DMXL1: variants seen among roughly 807,000 people sequenced by gnomAD.
DMXL1 encodes the protein dmX-like protein 1.
DMXL1 carries 99 observed loss-of-function variants against 319.2 expected under a neutral mutation model. That is an observed-to-expected ratio of 0.31 (90% CI 0.26 to 0.37). The LOEUF (loss-of-function observed/expected upper bound fraction) is 0.37. Ranked by LOEUF, DMXL1 falls within the 10% of genes least tolerant of loss-of-function variation. The pLI is 1.00. For synonymous variants in DMXL1, 1,385 were observed against 1,235.2 expected (o/e 1.12, Z -2.54); for missense variants, 3,745 against 3,595.6 (o/e 1.04, Z -1.06).
intron 6 of DMXL1, among the ~76,000 whole-genome samples, chr5:119,115,653 C>T (rs1760678801): frequency 6.6e-6 from 1 of 152,028 alleles, no homozygotes; most frequent in Non-Finnish European, 1.5e-5. Flanking sequence ...TCCTTTATTT[C>T]CCAAATTATG....
intron 25 of DMXL1, 146 bp from the exon 26 acceptor site, chr5:119,175,115 G>T: frequency 5.7e-6 from 3 of 526,688 alleles, no homozygotes; most frequent in Non-Finnish European, 6.7e-6. Flanking sequence ...AAAAATGAGT[G>T]TTGTAGAAAA....
intron 1 of DMXL1, among the ~76,000 whole-genome samples, chr5:119,084,370 T>G (rs1752871723): frequency 6.6e-6 from 1 of 152,172 alleles, no homozygotes; most frequent in Non-Finnish European, 1.5e-5. Context: ...TTCACCTGCC[T>G]CAGCCTCCCA....
At chr5:119,127,702 G>C (rs564475580) in intron 9 of DMXL1, 72 of 205,182 alleles carry the variant, frequency 3.5e-4, no homozygotes, top group Non-Finnish European at 5.5e-4. Context: ...GCCTCCCAGA[G>C]TGCTGGGATT....
chr5:119,249,006 GT>G lies in DMXL1; in HGVS notation c.*1790del, dbSNP rs886495846. On this transcript the variant is annotated 3_prime_UTR_variant, in exon 44 of 44. Coordinates refer to ENST00000539542, the MANE Select transcript of DMXL1 (RefSeq NM_001290321.3). ...TATTATGCTTATTAGAACAAAAGGT[GT>G]TTAAGGATGAACTAAATATTTTAAT... 5 of 152,466 alleles carry G rather than the reference GT, an allele frequency of 3.3e-5. No individual in the cohort carries two copies. The highest frequency in any genetic ancestry group is 1.2e-4 in the African/African-American group (5 of 41,412). 9.4% of individuals were successfully genotyped at this position (152,466 alleles called of 1,614,324 possible). A position where few individuals can be genotyped will look rare whatever the true frequency, so the allele number is the denominator to read the frequency against.
intron 19 of DMXL1, among the ~76,000 whole-genome samples, chr5:119,161,076 T>G (rs1772163251): frequency 6.6e-6 from 1 of 152,206 alleles, no homozygotes; most frequent in Non-Finnish European, 1.5e-5. Flanking sequence ...GTCTGCTCAT[T>G]TGAGCAAGCT....
chr5:119,182,737 G>T (rs1322949319), intron 28 of DMXL1, among the ~76,000 whole-genome samples: 2 of 151,864 alleles, frequency 1.3e-5, no homozygotes, highest in Non-Finnish European at 2.9e-5. Flanking sequence ...TTTTTTTGGT[G>T]AATTCCACAT....
At position 119,101,924 on chromosome 5, in the gene DMXL1, CT is replaced by C; in HGVS notation, c.214-6del. On this transcript the variant is annotated splice_polypyrimidine_tract_variant and intron_variant, in intron 2 of 43. Coordinates refer to ENST00000539542, the MANE Select transcript of DMXL1 (RefSeq NM_001290321.3). ...CATATCCCTAATAAATTCTTTTTTT[CT>C]TTTTAAAAGATTGCAGCGTCTTATG... The C allele has an allele frequency of 6.4e-7, 1 of 1,569,180 alleles. No individual in the cohort carries two copies. The highest frequency in any genetic ancestry group is 8.7e-7 in the Non-Finnish European group (1 of 1,155,198).
Position 119,074,174 on chromosome 5 carries a change from C to G in DMXL1, c.87+2518C>G, listed in dbSNP as rs551997032. On this transcript the variant is annotated intron_variant, in intron 1 of 43. Coordinates refer to ENST00000539542, the MANE Select transcript of DMXL1 (RefSeq NM_001290321.3). ...CCTCAGGTGATCCACCAGTCTTGGC[C>G]TCCCAAAGTGCTGGGATTACAGGCG... Among the ~76,000 whole-genome samples the G allele has an allele frequency of 3.2e-4, 48 of 152,362 alleles. 1 individual carries two copies. Among genetic ancestry groups the G allele is most frequent in the African/African-American group, 1.1e-3 (44 of 41,586 alleles).
At chr5:119,124,252 T>A (rs1352159880) in intron 9 of DMXL1, among the ~76,000 whole-genome samples, 1 of 150,300 alleles carries the variant, frequency 6.7e-6, no homozygotes, top group Admixed American at 6.6e-5. Context: ...AAGGCAGAGG[T>A]TGTAGTGAGC....
intron 32 of DMXL1, among the ~76,000 whole-genome samples, chr5:119,200,771 A>G (rs1167907955): frequency 6.6e-6 from 1 of 152,036 alleles, no homozygotes; most frequent in Non-Finnish European, 1.5e-5. Context: ...TAATTATTGT[A>G]GAGATCTTTC....
At chr5:119,092,146 A>G (rs1334911129) in intron 1 of DMXL1, among the ~76,000 whole-genome samples, 4 of 151,718 alleles carry the variant, frequency 2.6e-5, no homozygotes, top group Non-Finnish European at 4.4e-5. Flanking sequence ...GTCTTTTTTC[A>G]TTTCTGAAAA....
At chr5:119,103,248 T>C (rs1458252413) in intron 3 of DMXL1, among the ~76,000 whole-genome samples, 2 of 152,324 alleles carry the variant, frequency 1.3e-5, no homozygotes, top group Admixed American at 6.5e-5. Context: ...GATGGGAATA[T>C]TATTAGGCTA....
At chr5:119,128,804 G>T (rs954843581) in intron 9 of DMXL1, among the ~76,000 whole-genome samples, 1 of 152,168 alleles carries the variant, frequency 6.6e-6, no homozygotes, top group African/African-American at 2.4e-5. Flanking sequence ...GGTGGCTCAC[G>T]TCTGTAATCC....
At chr5:119,201,846 C>G (rs1780763412) in intron 32 of DMXL1, among the ~76,000 whole-genome samples, 1 of 152,002 alleles carries the variant, frequency 6.6e-6, no homozygotes, top group East Asian at 1.9e-4. Flanking sequence ...GTTTTGTAGT[C>G]TGTGTGCATA....
At chr5:119,081,005 T>G (rs1752075598) in intron 1 of DMXL1, among the ~76,000 whole-genome samples, 1 of 152,248 alleles carries the variant, frequency 6.6e-6, no homozygotes, top group African/African-American at 2.4e-5. Context: ...ATGATCTTCC[T>G]ATTTGTAGCC....
intron 25 of DMXL1, among the ~76,000 whole-genome samples, chr5:119,173,758 ATATATATATGTGTGTGTG>A (rs1775151012): frequency 8.8e-6 from 1 of 113,158 alleles, no homozygotes; most frequent in Non-Finnish European, 1.7e-5. Context: ...GTGTGTGTAT[ATATATATATGTGTGTGTG>A]TATATATATA....
At position 119,163,867 on chromosome 5, in the gene DMXL1, G is replaced by A. The variant is rs557739186; in HGVS notation, c.4703-640G>A. Reference sequence around the variant, plus strand: ...TGGGATTACAGGCATGAGCCAGCGCGCCCGGCCTAATTGTACGTTTTTTGA... The same window carrying A: ...TGGGATTACAGGCATGAGCCAGCGCACCCGGCCTAATTGTACGTTTTTTGA... On this transcript the variant is annotated intron_variant, in intron 19 of 43. Transcript: ENST00000539542. 9.2e-5 allele frequency among the ~76,000 whole-genome samples: 14 copies of A among 151,788 alleles called. 1 individual carries two copies. The highest frequency in any genetic ancestry group is 2.9e-4 in the African/African-American group (12 of 41,356).
chr5:119,190,716 C>T (rs1459786294), intron 29 of DMXL1, among the ~76,000 whole-genome samples: 2 of 152,148 alleles, frequency 1.3e-5, no homozygotes, highest in Non-Finnish European at 2.9e-5. Context: ...ATTTGAAAGA[C>T]TCTAGATGAA....
At chr5:119,242,254 G>T (rs1456224792) in intron 42 of DMXL1, among the ~76,000 whole-genome samples, 1 of 152,056 alleles carries the variant, frequency 6.6e-6, no homozygotes, top group Non-Finnish European at 1.5e-5. Context: ...CATCTAAGTG[G>T]ACCCACACAT....
Sources: allele counts gnomAD v4.1 joint callset (sites outside exome capture counted in the v4.1 genomes callset), GRCh38; gene constraint gnomAD v4.1.1; transcripts MANE v1.5; gene names NCBI Gene and HGNC (gene_info 2026-07-23, HGNC 2026-07-21).